TNFAIP8: variants seen among roughly 807,000 people sequenced by gnomAD.
The protein encoded by TNFAIP8 is tumor necrosis factor alpha-induced protein 8.
TNFAIP8 carries 7 observed loss-of-function variants against 13.3 expected under a neutral mutation model. That is an observed-to-expected ratio of 0.52 (90% CI 0.30 to 0.99). The LOEUF (loss-of-function observed/expected upper bound fraction) is 0.99, where lower values mean the gene tolerates loss of function less well. TNFAIP8 is among the 50% of genes least tolerant of loss of function. The probability of loss-of-function intolerance (pLI) is 0.07; values close to 1 mark genes in which losing one functional copy is unlikely to be tolerated. For synonymous variants in TNFAIP8, 94 were observed against 87.6 expected (o/e 1.07, Z -0.41); for missense variants, 258 against 236.9 (o/e 1.09, Z -0.58).
At chr5:119,327,135 G>C (rs1408778173) in intron 1 of TNFAIP8, among the ~76,000 whole-genome samples, 1 of 152,166 alleles carries the variant, frequency 6.6e-6, no homozygotes, top group Non-Finnish European at 1.5e-5. Flanking sequence ...TCCAGGAGAT[G>C]AGATGTTGTT....
intron 1 of TNFAIP8, chr5:119,306,714 C>T (rs925911864): frequency 2.6e-5 from 4 of 152,148 alleles, no homozygotes; most frequent in Non-Finnish European, 5.9e-5. Context: ...AAGGGATACC[C>T]TGTCCCAGTG....
chr5:119,302,415 C>T (rs1023877272), intron 1 of TNFAIP8, among the ~76,000 whole-genome samples: 2 of 152,120 alleles, frequency 1.3e-5, no homozygotes, highest in Admixed American at 1.3e-4. Context: ...GCTAGAATCC[C>T]ATTTTCTCCT....
At chr5:119,362,621 C>CCT (rs112503559) in intron 1 of TNFAIP8, among the ~76,000 whole-genome samples, 1 of 91,842 alleles carries the variant, frequency 1.1e-5, no homozygotes, top group Non-Finnish European at 2.6e-5. Context: ...CAAAGTGAGA[C>CCT]CCCCCATCTC....
chr5:119,374,688 G>A (rs376927999), intron 1 of TNFAIP8, among the ~76,000 whole-genome samples: 3 of 152,156 alleles, frequency 2.0e-5, no homozygotes, highest in Non-Finnish European at 2.9e-5. Context: ...ATTTCAATGC[G>A]GGGTAGCTAG....
intron 1 of TNFAIP8, among the ~76,000 whole-genome samples, chr5:119,343,869 C>T (rs567662497): frequency 1.3e-5 from 2 of 152,318 alleles, no homozygotes; most frequent in South Asian, 4.1e-4. Flanking sequence ...TGTGTGACCA[C>T]ACAGGGTGTC....
At chr5:119,351,035 T>TAG (rs59352453), upstream of TNFAIP8, among the ~76,000 whole-genome samples, 18 of 130,964 alleles carry the variant, frequency 1.4e-4, no homozygotes, top group East Asian at 1.0e-3. Flanking sequence ...TGTGTGTGTG[T>TAG]AGAGAGAGAG....
chr5:119,362,368 A>T (rs1015263463), intron 1 of TNFAIP8, among the ~76,000 whole-genome samples: 4 of 152,188 alleles, frequency 2.6e-5, no homozygotes, highest in African/African-American at 9.6e-5. Flanking sequence ...GGACTTTCCC[A>T]GGGGGACATT....
chr5:119,388,356 T>C (rs1425611251), intron 1 of TNFAIP8, among the ~76,000 whole-genome samples: 2 of 152,216 alleles, frequency 1.3e-5, no homozygotes, highest in Non-Finnish European at 2.9e-5. Flanking sequence ...CACCCACTAA[T>C]GTATTTACAA....
At chr5:119,371,040 C>T (rs1193703144) in intron 1 of TNFAIP8, among the ~76,000 whole-genome samples, 2 of 152,106 alleles carry the variant, frequency 1.3e-5, no homozygotes, top group Non-Finnish European at 2.9e-5. Flanking sequence ...AATTAAATCC[C>T]CTTTTCATGT....
chr5:119,397,316 T>C lies in TNFAIP8; in HGVS notation c.*3935T>C, dbSNP rs1223389599. The stretch of plus-strand genomic sequence containing the variant: ...CTGACAAATGGTAAATAAAAGAATA[T>C]GTTTATCCAAATGATGAAATATTTG... On this transcript the variant is annotated 3_prime_UTR_variant, in exon 2 of 2. Coordinates refer to ENST00000504771, the MANE Select transcript of TNFAIP8 (RefSeq NM_014350.4). The C allele has an allele frequency of 6.6e-6, 1 of 152,216 alleles. No individual in the cohort carries two copies. Among genetic ancestry groups the C allele is most frequent in the African/African-American group, 2.4e-5 (1 of 41,456 alleles). The allele number at this position is 152,216 out of a possible 1,614,324, so 9.4% of individuals were successfully genotyped here. A position where few individuals can be genotyped will look rare whatever the true frequency, so the allele number is the denominator to read the frequency against.
intron 1 of TNFAIP8, among the ~76,000 whole-genome samples, chr5:119,377,898 C>T (rs568930218): frequency 6.6e-6 from 1 of 152,178 alleles, no homozygotes; most frequent in Admixed American, 6.5e-5. Context: ...ATTACCTACG[C>T]AAATGCCTAC....
At chr5:119,351,796 C>CTTTTTTTTTTTTTTTT, upstream of TNFAIP8, among the ~76,000 whole-genome samples, 1 of 127,730 alleles carries the variant, frequency 7.8e-6, no homozygotes, top group African/African-American at 2.8e-5. Flanking sequence ...TTCTTTTTTT[C>CTTTTTTTTTTTTTTTT]TTTTTTTTTT....
rs1267998029 is a variant in TNFAIP8 at position 119,288,342 on chromosome 5, AAAGGTGTAC to A, written c.1+19436_1+19444del. On this transcript the variant is annotated intron_variant, in intron 1 of 1. Coordinates refer to the TNFAIP8 transcript ENST00000274456. ...GAGAGAGAAATGGAGAGTGTGAAAC[AAAGGTGTAC>A]CTTGAGGGAATGTCAGCATCATCTA... Among the ~76,000 whole-genome samples the A allele has an allele frequency of 2.0e-5, 3 of 152,210 alleles. No homozygotes were observed. In the East Asian group the frequency reaches 5.8e-4, roughly 29 times the overall value.
At chr5:119,386,514 A>G (rs931371375) in intron 1 of TNFAIP8, among the ~76,000 whole-genome samples, 4 of 116,680 alleles carry the variant, frequency 3.4e-5, no homozygotes, top group African/African-American at 7.0e-5. Flanking sequence ...AAAAGAACCC[A>G]GTGTTTTGTT....
At chr5:119,300,981 T>C (rs766479381) in intron 1 of TNFAIP8, among the ~76,000 whole-genome samples, 4 of 152,140 alleles carry the variant, frequency 2.6e-5, no homozygotes, top group Admixed American at 1.3e-4. Flanking sequence ...CTAAAAGCAT[T>C]ACAAGTGGGC....
chr5:119,309,000 T>C lies in TNFAIP8; in HGVS notation c.1+40093T>C, dbSNP rs190597662. ...AAAGGCAAAAGCAGTTGTGCATGTA[T>C]GTGATAAAATTGCTAAACTGTTTCT... On this transcript the variant is annotated intron_variant, in intron 1 of 1. Coordinates refer to the TNFAIP8 transcript ENST00000274456. Among the ~76,000 whole-genome samples the C allele has an allele frequency of 3.9e-5, 6 of 152,330 alleles. No individual in the cohort carries two copies. The East Asian group carries it at 1.2e-3, about 29-fold the overall frequency.
intron 1 of TNFAIP8, among the ~76,000 whole-genome samples, chr5:119,272,294 C>T (rs1748315040): frequency 6.6e-6 from 1 of 152,330 alleles, no homozygotes; most frequent in Non-Finnish European, 1.5e-5. Flanking sequence ...TTCATTCACA[C>T]AGCAGGCATT....
At chr5:119,355,712 G>A, upstream of TNFAIP8, 1 of 264,738 alleles carries the variant, frequency 3.8e-6, no homozygotes, top group Non-Finnish European at 7.0e-6. Flanking sequence ...TTTTCCGCCC[G>A]TCTGGTGCGT....
rs1562038765 is a variant in TNFAIP8 at position 119,393,161 on chromosome 5, A to G, written c.377A>G (p.Asn126Ser). The change falls in exon 2 of 2, where the codon AAT becomes AGT. Residue 126 changes from asparagine (N) to serine (S), a missense_variant. Asn to Ser is a conservative substitution (Grantham distance 46). Coordinates refer to ENST00000504771, the MANE Select transcript of TNFAIP8 (RefSeq NM_014350.4). Reference protein sequence around the residue: ...FHQVDYTFDRNVLSRLLNECR... With the variant: ...FHQVDYTFDRSVLSRLLNECR... ...CAGGTGGATTATACCTTTGACCGGAATGTGTTATCCAGGCTGTTAAATGAA... is the reference window on the plus strand; with the variant it reads ...CAGGTGGATTATACCTTTGACCGGAGTGTGTTATCCAGGCTGTTAAATGAA... 1.9e-6 allele frequency: 3 copies of G among 1,613,930 alleles called. No homozygotes were observed. Among genetic ancestry groups the G allele is most frequent in the Non-Finnish European group, 2.5e-6 (3 of 1,179,900 alleles).
Sources: allele counts gnomAD v4.1 joint callset (sites outside exome capture counted in the v4.1 genomes callset), GRCh38; gene constraint gnomAD v4.1.1; transcripts MANE v1.5; gene names NCBI Gene and HGNC (gene_info 2026-07-23, HGNC 2026-07-21).